The following CASP14 variants were observed in gnomAD, a reference collection of about 807,000 sequenced individuals.
CASP14 encodes the protein caspase 14, also known as caspase-14.
A neutral mutation model predicts 28.4 loss-of-function variants in CASP14; 27 were observed. The observed-to-expected ratio is 0.95, with a 90% CI of 0.70 to 1.31. The LOEUF (loss-of-function observed/expected upper bound fraction) is 1.31, where lower values mean the gene tolerates loss of function less well. Ranked by LOEUF, CASP14 falls within the 50% of genes most tolerant of loss-of-function variation. The pLI, the probability that CASP14 is intolerant of heterozygous loss-of-function variation, is 0.00. For synonymous variants in CASP14, 115 were observed against 118.6 expected, an observed-to-expected ratio of 0.97 and a Z score of 0.20; for missense variants, 323 against 312.8, an observed-to-expected ratio of 1.03 and a Z score of -0.25.
At chr19:15,050,561 G>A (rs1248126179) in intron 1 of CASP14, among the ~76,000 whole-genome samples, 2 of 151,620 alleles carry the variant, frequency 1.3e-5, no homozygotes, top group Admixed American at 6.6e-5. Flanking sequence ...TGGATAGATG[G>A]AAGATAGAGA....
chr19:15,055,275 G>C lies in CASP14; in HGVS notation c.520+1G>C. The C allele has an allele frequency of 6.2e-7, 1 of 1,612,014 alleles. No homozygotes were observed. On this transcript the variant is annotated splice_donor_variant, in intron 5 of 6. Transcript: ENST00000427043. LOFTEE classifies it high-confidence loss of function. ...TTGCACGTTTATTCCACGGTAGAGG[G>C]TATGAGCTCCCAGCTGGCCCAGGGA...
chr19:15,055,370 C>A, intron 5 of CASP14, 60 bp from the exon 6 acceptor site: 1 of 1,570,108 alleles, frequency 6.4e-7, no homozygotes, highest in Non-Finnish European at 8.8e-7. Context: ...CACGCCCTTC[C>A]AGGATCCCCT....
At chr19:15,052,610 C>T (rs1263929059) in intron 2 of CASP14, among the ~76,000 whole-genome samples, 1 of 152,194 alleles carries the variant, frequency 6.6e-6, no homozygotes, top group African/African-American at 2.4e-5. Context: ...CAGTACGCTG[C>T]TTCTGTTCTG....
chr19:15,054,562 A>T (rs1014307003), intron 4 of CASP14, among the ~76,000 whole-genome samples: 4 of 152,102 alleles, frequency 2.6e-5, no homozygotes, highest in African/African-American at 9.7e-5. Flanking sequence ...CAGCCTGGGC[A>T]ACAAAGCAAG....
Position 15,056,134 on chromosome 19 carries a change from T to C in CASP14, c.*45T>C, listed in dbSNP as rs1384829285. ...AGCTTTCCTTCCAGCATTCTTTCTG[T>C]CTCACAGAAATTTAGAGGCAGCTCT... On this transcript the variant is annotated 3_prime_UTR_variant, in exon 7 of 7. Transcript: ENST00000427043. The C allele has an allele frequency of 6.8e-7, 1 of 1,469,932 alleles. No individual in the cohort carries two copies. Among genetic ancestry groups the C allele is most frequent in the Non-Finnish European group, 9.3e-7 (1 of 1,073,052 alleles). The allele number at this position is 1,469,932 out of a possible 1,614,324, so 91.1% of individuals were successfully genotyped here.
chr19:15,054,237 A>G (rs1399326410), intron 4 of CASP14, among the ~76,000 whole-genome samples: 1 of 151,858 alleles, frequency 6.6e-6, no homozygotes, highest in Non-Finnish European at 1.5e-5. Context: ...GCCTCCCACC[A>G]TGCCCAACCA....
rs2046117074 is a variant in CASP14 at position 15,056,241 on chromosome 19, T to A, written c.*152T>A. On this transcript the variant is annotated 3_prime_UTR_variant, in exon 7 of 7. Transcript: ENST00000427043. ...ATCACACCCTTCATGCAGGTCCTCC[T>A]GTCCTTATTAGAGCAAGCCAGCCAA... The A allele has an allele frequency of 1.7e-6, 1 of 598,350 alleles. No individual in the cohort carries two copies. The highest frequency in any genetic ancestry group is 3.2e-5 in the East Asian group (1 of 30,876). 37.1% of individuals were successfully genotyped at this position (598,350 alleles called of 1,614,324 possible).
rs2046119880 is a variant in CASP14 at position 15,056,832 on chromosome 19, C to A, written c.*743C>A. 6.6e-6 allele frequency: 1 copy of A among 152,120 alleles called. No homozygotes were observed. The highest frequency in any genetic ancestry group is 1.5e-5 in the Non-Finnish European group (1 of 68,024). 9.4% of individuals were successfully genotyped at this position (152,120 alleles called of 1,614,324 possible). ...AGCGTGTTGGAGCTATGGCAAATTC[C>A]CTGTTGTCACCTTGCTATTTTGCAG... On this transcript the variant is annotated 3_prime_UTR_variant, in exon 7 of 7. Transcript: ENST00000427043.
At position 15,053,629 on chromosome 19, in the gene CASP14, G is replaced by C; in HGVS notation, c.175G>C (p.Glu59Gln). 6.2e-7 allele frequency: 1 copy of C among 1,614,120 alleles called. No homozygotes were observed. Among genetic ancestry groups the C allele is most frequent in the South Asian group, 1.1e-5 (1 of 91,080 alleles). Reference sequence around the variant, plus strand: ...CACCATGAAAAGAGACCCCACTGCCGAGGTATTGGGGTGCCTACTCCAGGC... The same window carrying C: ...CACCATGAAAAGAGACCCCACTGCCCAGGTATTGGGGTGCCTACTCCAGGC... ...ESTMKRDPTA[E>Q]QFQEELEKFQ... The change falls in exon 3 of 7, where the codon GAG becomes CAG. Residue 59 changes from glutamate (E) to glutamine (Q), a missense_variant and splice_region_variant. Coordinates refer to ENST00000427043, the MANE Select transcript of CASP14 (RefSeq NM_012114.3).
At position 15,057,185 on chromosome 19, in the gene CASP14, C is replaced by G. The variant is rs1379063105; in HGVS notation, c.*1096C>G. 1.3e-5 allele frequency: 2 copies of G among 152,116 alleles called. No individual in the cohort carries two copies. The highest frequency in any genetic ancestry group is 2.9e-5 in the Non-Finnish European group (2 of 68,038). 9.4% of individuals were successfully genotyped at this position (152,116 alleles called of 1,614,324 possible). On this transcript the variant is annotated 3_prime_UTR_variant, in exon 7 of 7. Coordinates refer to ENST00000427043, the MANE Select transcript of CASP14 (RefSeq NM_012114.3). ...ACTCTACAGCCTGTATCTCTCCATC[C>G]CCAGCTTTGACCTTTCCTGCTCAAG... is the stretch of plus-strand genomic sequence containing the variant.
chr19:15,053,748 C>G lies in CASP14; in HGVS notation c.193C>G (p.Leu65Val), dbSNP rs182103308. Residue 65 changes from leucine to valine, a missense_variant, in exon 4 of 7, where the codon CTG becomes GTG. Leu to Val is a conservative substitution (Grantham distance 32). Transcript: ENST00000427043. ...CTCACTCCAGCAATTCCAGGAAGAG[C>G]TGGAAAAATTCCAGCAGGCCATCGA... ...DPTAEQFQEE[L>V]EKFQQAIDSR... is the part of the protein sequence containing the mutation. 6.7e-4 allele frequency: 1,088 copies of G among 1,613,570 alleles called. 10 individuals carry two copies. In the Admixed American group the frequency reaches 0.017, roughly 25 times the overall value.
chr19:15,054,501 G>A (rs2145282774), intron 4 of CASP14, among the ~76,000 whole-genome samples: 1 of 152,322 alleles, frequency 6.6e-6, no homozygotes, highest in Non-Finnish European at 1.5e-5. Flanking sequence ...AGGATCACTT[G>A]AGCCCAGGAG....
In CASP14 at chr19:15,054,616, C is replaced by T. The variant is rs530144313; in HGVS notation, c.404-542C>T. Reference sequence around the variant, plus strand: ...TAAATTAAATTAAAAAGCCCCACTGCACATGGCATACCACAAAAGCATCCT... The same window carrying T: ...TAAATTAAATTAAAAAGCCCCACTGTACATGGCATACCACAAAAGCATCCT... On this transcript the variant is annotated intron_variant, in intron 4 of 6. Coordinates refer to ENST00000427043, the MANE Select transcript of CASP14 (RefSeq NM_012114.3). Among the ~76,000 whole-genome samples the T allele has an allele frequency of 4.6e-4, 69 of 150,444 alleles. 1 individual carries two copies. In the South Asian group the frequency reaches 0.011, roughly 24 times the overall value.
At chr19:15,051,502 C>CAAAAAAA (rs3040744) in intron 1 of CASP14, among the ~76,000 whole-genome samples, 9 of 84,642 alleles carry the variant, frequency 1.1e-4, no homozygotes, top group Non-Finnish European at 1.1e-4. Context: ...GATTCTGTCT[C>CAAAAAAA]AAAAAAAAAA....
In CASP14 at chr19:15,049,669, CCTCTCT is replaced by C. The variant is rs57707199; in HGVS notation, c.-47+48_-47+53del. The C allele has an allele frequency of 3.3e-3, 412 of 126,632 alleles. 1 individual carries two copies. Among genetic ancestry groups the C allele is most frequent in the Middle Eastern group, 0.016 (4 of 254 alleles). The allele number at this position is 126,632 out of a possible 1,614,324, so 7.8% of individuals were successfully genotyped here. ...TGGTAAGTGATTTGGTGGATATTAGCCTCTCTCTCTCTCTCTCTCTCTCTCTCTCAC... is the reference window on the plus strand; with the variant it reads ...TGGTAAGTGATTTGGTGGATATTAGCCTCTCTCTCTCTCTCTCTCTCTCAC... On this transcript the variant is annotated intron_variant, in intron 1 of 6. Coordinates refer to ENST00000427043, the MANE Select transcript of CASP14 (RefSeq NM_012114.3).
At chr19:15,054,889 C>A in intron 4 of CASP14, 1 of 345,396 alleles carries the variant, frequency 2.9e-6, no homozygotes, top group Non-Finnish European at 5.5e-6. Flanking sequence ...GATCTGCCTT[C>A]CTCAGCCTCC....
In CASP14 at chr19:15,056,202, C is replaced by T. The variant is rs990141084; in HGVS notation, c.*113C>T. The T allele has an allele frequency of 1.1e-5, 9 of 828,522 alleles. No individual in the cohort carries two copies. Among genetic ancestry groups the T allele is most frequent in the Admixed American group, 6.8e-5 (3 of 44,178 alleles). 51.3% of individuals were successfully genotyped at this position (828,522 alleles called of 1,614,324 possible). ...TTCTGTTCCCAAGGCCAAATGGCAC[C>T]CAGTTTCTTTTCCATCACACCCTTC... On this transcript the variant is annotated 3_prime_UTR_variant, in exon 7 of 7. Coordinates refer to ENST00000427043, the MANE Select transcript of CASP14 (RefSeq NM_012114.3).
intron 2 of CASP14, among the ~76,000 whole-genome samples, chr19:15,053,035 G>GT (rs758471360): frequency 3.3e-5 from 5 of 152,136 alleles, no homozygotes; most frequent in Non-Finnish European, 7.3e-5. Context: ...AAGGTATTTG[G>GT]TTTTTATTTG....
intron 4 of CASP14, 23 bp from the exon 5 acceptor site, chr19:15,055,132 GCCT>G: frequency 6.3e-7 from 1 of 1,580,122 alleles, no homozygotes; most frequent in Non-Finnish European, 8.7e-7. Flanking sequence ...CTCTGACTTT[GCCT>G]CCTCCTCTTC....
Sources: gnomAD v4.1 joint callset for allele counts (sites outside exome capture counted in the v4.1 genomes callset) on GRCh38, gnomAD v4.1.1 for gene constraint, MANE v1.5 for transcripts, NCBI Gene and HGNC (gene_info 2026-07-23, HGNC 2026-07-21) for gene names.